KLHL29: variants seen among roughly 807,000 people sequenced by gnomAD.
The protein encoded by KLHL29 is kelch-like protein 29.
A neutral mutation model predicts 80.4 loss-of-function variants in KLHL29; 21 were observed. The observed-to-expected ratio is 0.26, with a 90% confidence interval of 0.19 to 0.38. The LOEUF is 0.38. KLHL29 is among the 10% of genes least tolerant of loss of function. The pLI is 1.00. For missense variants in KLHL29, 867 were observed against 1,223.9 expected (o/e 0.71, Z 4.35); for synonymous variants, 511 against 526.8 (o/e 0.97, Z 0.41).
At chr2:23,650,810 G>A (rs1413368677) in intron 5 of KLHL29, among the ~76,000 whole-genome samples, 1 of 152,206 alleles carries the variant, frequency 6.6e-6, no homozygotes, top group Non-Finnish European at 1.5e-5. Context: ...GCCAGGAAAA[G>A]TATGCCATGC....
chr2:23,636,867 G>C (rs1468745543), intron 3 of KLHL29, among the ~76,000 whole-genome samples: 2 of 152,162 alleles, frequency 1.3e-5, no homozygotes, highest in Non-Finnish European at 2.9e-5. Context: ...CCAAACTCGA[G>C]GAGACCCCAA....
intron 3 of KLHL29, among the ~76,000 whole-genome samples, chr2:23,635,569 G>A (rs1305096518): frequency 6.6e-6 from 1 of 152,240 alleles, no homozygotes; most frequent in East Asian, 1.9e-4. Context: ...GAAGCAGGAT[G>A]CTGTCAGCTG....
At chr2:23,450,061 G>A (rs1663826494) in intron 1 of KLHL29, among the ~76,000 whole-genome samples, 1 of 152,136 alleles carries the variant, frequency 6.6e-6, no homozygotes, top group Non-Finnish European at 1.5e-5. Context: ...CATCTCAAGC[G>A]GCAAGCTCGA....
intron 11 of KLHL29, 79 bp from the exon 12 acceptor site, chr2:23,703,107 A>C: frequency 9.5e-7 from 1 of 1,051,998 alleles, no homozygotes; most frequent in Non-Finnish European, 1.3e-6. Flanking sequence ...AGCAGATGGC[A>C]GTTTGCTGCC....
chr2:23,410,082 G>C (rs1302188165), intron 1 of KLHL29, among the ~76,000 whole-genome samples: 1 of 152,186 alleles, frequency 6.6e-6, no homozygotes, highest in Non-Finnish European at 1.5e-5. Context: ...TGGAGAATTA[G>C]GAGGGAGAGG....
intron 1 of KLHL29, among the ~76,000 whole-genome samples, chr2:23,417,862 C>G (rs1362383111): frequency 6.6e-6 from 1 of 152,178 alleles, no homozygotes; most frequent in Non-Finnish European, 1.5e-5. Flanking sequence ...GACCCCCACC[C>G]TCTACTGAGG....
At chr2:23,396,000 G>A (rs531492602) in intron 1 of KLHL29, among the ~76,000 whole-genome samples, 15 of 152,342 alleles carry the variant, frequency 9.8e-5, no homozygotes, top group Admixed American at 6.5e-4. Flanking sequence ...GCAGGTAGGC[G>A]TAGAGAACTG....
Position 23,642,776 on chromosome 2 carries a change from C to T in KLHL29, c.866C>T (p.Ser289Leu), listed in dbSNP as rs1411801256. ...PATNGPPTTD[S>L]AHGLQMLRTI... ...ACCAATGGGCCCCCCACAACCGACT[C>T]GGCCCACGGGCTGCAGATGCTGCGG... The change falls in exon 5 of 14, where the codon TCG becomes TTG. Residue 289 changes from serine (S) to leucine (L), a missense_variant. This residue lies in a region of KLHL29 where 424 missense variants were observed against 456.9 expected (regional missense o/e 0.93). Coordinates refer to ENST00000486442, the MANE Select transcript of KLHL29 (RefSeq NM_052920.2). The T allele has an allele frequency of 3.9e-6, 6 of 1,550,312 alleles. No individual in the cohort carries two copies. Among genetic ancestry groups the T allele is most frequent in the South Asian group, 1.2e-5 (1 of 84,064 alleles).
Position 23,695,832 on chromosome 2 carries a change from G to T in KLHL29, c.1741+11G>T. On this transcript the variant is annotated intron_variant, in intron 9 of 13. Transcript: ENST00000486442. The surrounding 1 kb of genome is among the most constrained non-coding windows in gnomAD (Gnocchi z 7.6). The stretch of plus-strand genomic sequence containing the variant: ...CGCGCCTCTCTGCAGGTATGAAGGG[G>T]CACGCCCCGAACCTCCCAAGAAGCA... 3 of 1,544,238 alleles carry T rather than the reference G, an allele frequency of 1.9e-6. No individual in the cohort carries two copies. In the South Asian group the frequency reaches 3.6e-5, roughly 19 times the overall value.
intron 1 of KLHL29, among the ~76,000 whole-genome samples, chr2:23,435,285 A>G (rs1183978167): frequency 1.3e-5 from 2 of 152,164 alleles, no homozygotes; most frequent in African/African-American, 4.8e-5. Context: ...ACTGAGTTGT[A>G]TCTCCTCAGG....
intron 1 of KLHL29, among the ~76,000 whole-genome samples, chr2:23,416,956 C>T (rs1452890377): frequency 6.6e-6 from 1 of 152,202 alleles, no homozygotes; most frequent in Non-Finnish European, 1.5e-5. Context: ...TTGAGCCCTT[C>T]TGAAGCTGAT....
At chr2:23,629,355 CTT>C (rs1302218968) in intron 3 of KLHL29, among the ~76,000 whole-genome samples, 2 of 151,702 alleles carry the variant, frequency 1.3e-5, no homozygotes, top group Admixed American at 1.3e-4. Context: ...TTTTCAAAGA[CTT>C]TCGTTTGTGA....
intron 2 of KLHL29, among the ~76,000 whole-genome samples, chr2:23,547,093 C>T (rs933776097): frequency 1.3e-5 from 2 of 152,170 alleles, no homozygotes; most frequent in African/African-American, 2.4e-5. Flanking sequence ...AGTGCCACAG[C>T]GGAAGGAGGG....
At chr2:23,616,475 C>G (rs1461661996) in intron 3 of KLHL29, 3 of 152,162 alleles carry the variant, frequency 2.0e-5, no homozygotes, top group African/African-American at 7.2e-5. Context: ...TCCTATTCTG[C>G]TGAATAAAGA....
At chr2:23,694,179 TG>T (rs1671798848) in intron 8 of KLHL29, among the ~76,000 whole-genome samples, 1 of 152,220 alleles carries the variant, frequency 6.6e-6, no homozygotes, top group South Asian at 2.1e-4. Flanking sequence ...TCCAGCAGAA[TG>T]TCCTGCAGAT....
At chr2:23,484,743 G>A (rs58248995) in intron 2 of KLHL29, among the ~76,000 whole-genome samples, 53,016 of 152,036 alleles carry the variant, frequency 0.35, 9,809 homozygotes, top group Admixed American at 0.47. Flanking sequence ...TCTTGCGCAG[G>A]TCCTCCCTGA....
chr2:23,525,808 C>G (rs1461201557), intron 2 of KLHL29, among the ~76,000 whole-genome samples: 2 of 149,742 alleles, frequency 1.3e-5, no homozygotes, highest in Non-Finnish European at 3.0e-5. Flanking sequence ...CGCAGGACGC[C>G]CAGTTGCCTT....
rs186559555 is a variant in KLHL29, at chr2:23,547,340, A to G, written c.-45-14812A>G. 2.4e-3 allele frequency among the ~76,000 whole-genome samples: 368 copies of G among 152,330 alleles called. 3 individuals are homozygous for G. Among genetic ancestry groups the G allele is most frequent in the African/African-American group, 8.4e-3 (349 of 41,562 alleles). ...GGAGAGGCTGTGGACCAGATATGATAAGAGTTCTGATGAAAGATTGGACTG... is the reference window on the plus strand; with the variant it reads ...GGAGAGGCTGTGGACCAGATATGATGAGAGTTCTGATGAAAGATTGGACTG... On this transcript the variant is annotated intron_variant, in intron 2 of 13. Transcript: ENST00000486442.
At chr2:23,676,237 C>T (rs1670918345) in intron 5 of KLHL29, among the ~76,000 whole-genome samples, 1 of 152,036 alleles carries the variant, frequency 6.6e-6, no homozygotes, top group Non-Finnish European at 1.5e-5. Flanking sequence ...GGCTGGAGTG[C>T]AGTGGCGCGA....
Sources: allele counts gnomAD v4.1 joint callset (sites outside exome capture counted in the v4.1 genomes callset), GRCh38; gene constraint gnomAD v4.1.1; regional missense constraint gnomAD v4.1.1; non-coding constraint Gnocchi (gnomAD v3.1); transcripts MANE v1.5; gene names NCBI Gene and HGNC (gene_info 2026-07-23, HGNC 2026-07-21).